Variants in NRDC observed in about 807,000 individuals in gnomAD.
The protein encoded by NRDC is nardilysin.
A neutral mutation model predicts 147.1 loss-of-function variants in NRDC; 54 were observed. The ratio of observed to expected loss-of-function variants is 0.37; its 90% CI spans 0.29 to 0.46. The LOEUF is 0.46. Ranked by LOEUF, NRDC falls within the 20% of genes least tolerant of loss-of-function variation. The probability of loss-of-function intolerance (pLI) is 1.00; values close to 1 mark genes in which losing one functional copy is unlikely to be tolerated. For missense variants in NRDC, 1,082 were observed against 1,370.6 expected, an observed-to-expected ratio of 0.79 and a Z score of 3.33; for synonymous variants, 440 against 482.1, an observed-to-expected ratio of 0.91 and a Z score of 1.14.
chr1:51,829,481 T>C (rs1017355088), intron 4 of NRDC, among the ~76,000 whole-genome samples: 2 of 152,198 alleles, frequency 1.3e-5, no homozygotes, highest in African/African-American at 4.8e-5. Flanking sequence ...TGAAGAAAAT[T>C]TTCTCTTTAT....
chr1:51,849,772 C>T (rs551707606), intron 1 of NRDC, among the ~76,000 whole-genome samples: 2 of 151,890 alleles, frequency 1.3e-5, no homozygotes, highest in South Asian at 2.1e-4. Context: ...GCCGAGATCG[C>T]GCCATTGCAC....
chr1:51,819,937 G>A (rs1458809218), intron 8 of NRDC, 64 bp from the exon 9 acceptor site: 8 of 1,194,634 alleles, frequency 6.7e-6, no homozygotes, highest in East Asian at 2.4e-5. Context: ...ATATCTTTAG[G>A]GATATCTAAC....
chr1:51,799,623 G>T (rs1679094223), intron 21 of NRDC, among the ~76,000 whole-genome samples: 1 of 152,160 alleles, frequency 6.6e-6, no homozygotes, highest in Non-Finnish European at 1.5e-5. Flanking sequence ...AAAGGGGTAG[G>T]TCTGTTCAGA....
intron 16 of NRDC, 36 bp downstream of exon 16, chr1:51,810,245 A>G (rs1284654819): frequency 1.3e-6 from 2 of 1,482,394 alleles, no homozygotes; most frequent in Non-Finnish European, 9.2e-7. Flanking sequence ...TAAGTTAAAT[A>G]TACCTAAATG....
At chr1:51,799,275 C>T (rs1327502112) in intron 21 of NRDC, 1 of 151,940 alleles carries the variant, frequency 6.6e-6, no homozygotes, top group East Asian at 1.9e-4. Context: ...ATACATGTAC[C>T]ATGTTAGTTT....
chr1:51,855,433 A>C (rs1682186832), intron 1 of NRDC, among the ~76,000 whole-genome samples: 1 of 152,078 alleles, frequency 6.6e-6, no homozygotes, highest in Admixed American at 6.5e-5. Context: ...AAATTGGTAT[A>C]ATATTTGGGT....
At chr1:51,845,279 C>T (rs887113117) in intron 1 of NRDC, among the ~76,000 whole-genome samples, 47 of 152,190 alleles carry the variant, frequency 3.1e-4, no homozygotes, top group Non-Finnish European at 2.9e-5. Flanking sequence ...TGCTCTACCT[C>T]TTTCAAGTCT....
chr1:51,833,945 C>T lies in NRDC; in HGVS notation c.866+72G>A, dbSNP rs137903290. On this transcript the variant is annotated intron_variant, in intron 4 of 30. Coordinates refer to ENST00000352171, the MANE Select transcript of NRDC (RefSeq NM_001101662.2). ...AAAGTATTGTGACAATTCTACTGTA[C>T]AAGAACACTCTATTTACATTTGCAA... is the stretch of plus-strand genomic sequence containing the variant. The T allele has an allele frequency of 2.2e-4, 292 of 1,346,424 alleles. No individual in the cohort carries two copies. The African/African-American group carries it at 4.1e-3, about 19-fold the overall frequency. The allele number at this position is 1,346,424 out of a possible 1,614,324, so 83.4% of individuals were successfully genotyped here. A position where few individuals can be genotyped will look rare whatever the true frequency, so the allele number is the denominator to read the frequency against.
In NRDC at chr1:51,818,142, A is replaced by G. The variant is rs776235013; in HGVS notation, c.1292-7T>C. ...ATTTTTCTGATTGGAACAACTAAAC[A>G]AAAATATTTTCCAGAAGAACAGATG... On this transcript the variant is annotated splice_region_variant and splice_polypyrimidine_tract_variant and intron_variant, in intron 9 of 30. Coordinates refer to ENST00000352171, the MANE Select transcript of NRDC (RefSeq NM_001101662.2). 3.1e-6 allele frequency: 5 copies of G among 1,589,644 alleles called. No individual in the cohort carries two copies. The Admixed American group carries it at 9.3e-5, about 30-fold the overall frequency.
At position 51,812,006 on chromosome 1, in the gene NRDC, T is replaced by G. The variant is rs1204834850; in HGVS notation, c.1767A>C (p.Glu589Asp). ...DILTGDQLLF[E>D]YKPEVIGEAL... ...TAAACCTCCTTACTTCTGGCTTGTA[T>G]TCAAAAAGAAGCTGATCTCCAGTGA... Residue 589 changes from glutamate (E) to aspartate (D), a missense_variant, in exon 15 of 31, where the codon GAA (glutamate) becomes GAC (aspartate). By Grantham distance (45) the Glu-to-Asp change is conservative. This residue lies in a region of NRDC where 635 missense variants were observed against 923.8 expected (regional missense o/e 0.69). Transcript: ENST00000352171. 1.2e-6 allele frequency: 2 copies of G among 1,612,786 alleles called. No homozygotes were observed. The highest frequency in any genetic ancestry group is 1.3e-5 in the African/African-American group (1 of 74,890).
Position 51,823,799 on chromosome 1 carries a change from G to A in NRDC, c.1037-13C>T, listed in dbSNP as rs1557913012. Reference sequence around the variant, plus strand: ...GTCTCAGCATTTCCTATAAAAGAATGAAAAAAATTATAGATATAACTAAGT... The same window carrying A: ...GTCTCAGCATTTCCTATAAAAGAATAAAAAAAATTATAGATATAACTAAGT... On this transcript the variant is annotated splice_polypyrimidine_tract_variant and intron_variant, in intron 6 of 30. Transcript: ENST00000352171. 5 of 1,564,466 alleles carry A rather than the reference G, an allele frequency of 3.2e-6. No individual in the cohort carries two copies. Among genetic ancestry groups the A allele is most frequent in the Middle Eastern group, 1.8e-4 (1 of 5,572 alleles).
intron 16 of NRDC, among the ~76,000 whole-genome samples, chr1:51,809,861 C>G (rs1557905024): frequency 6.6e-6 from 1 of 151,368 alleles, no homozygotes; most frequent in African/African-American, 2.4e-5. Context: ...GCCAAGATCG[C>G]ACCACTGCAC....
At chr1:51,837,567 A>C (rs1267749901) in intron 2 of NRDC, 1 of 1,596,352 alleles carries the variant, frequency 6.3e-7, no homozygotes, top group South Asian at 1.1e-5. Context: ...AAGTTGACTT[A>C]AACCACAGTC....
intron 1 of NRDC, among the ~76,000 whole-genome samples, chr1:51,853,139 G>A (rs970293491): frequency 2.0e-5 from 3 of 151,772 alleles, no homozygotes; most frequent in South Asian, 4.2e-4. Flanking sequence ...CAGGAGAATC[G>A]CTTGAACCTG....
At chr1:51,846,634 G>C (rs1247743403) in intron 1 of NRDC, among the ~76,000 whole-genome samples, 1 of 152,230 alleles carries the variant, frequency 6.6e-6, no homozygotes, top group Non-Finnish European at 1.5e-5. Context: ...GAGTGAAGCT[G>C]CAGACCTTCA....
chr1:51,844,254 G>T (rs1681420047), intron 1 of NRDC, among the ~76,000 whole-genome samples: 1 of 152,050 alleles, frequency 6.6e-6, no homozygotes, highest in Admixed American at 6.6e-5. Context: ...ATCCTATGTT[G>T]AATCCTTAAA....
intron 1 of NRDC, among the ~76,000 whole-genome samples, chr1:51,858,990 T>A (rs574957691): frequency 4.3e-4 from 66 of 152,336 alleles, no homozygotes; most frequent in African/African-American, 1.5e-3. Context: ...CTCACATCAT[T>A]TTTTCCTTGG....
intron 1 of NRDC, among the ~76,000 whole-genome samples, chr1:51,846,651 G>A (rs1171456422): frequency 2.0e-5 from 3 of 152,318 alleles, no homozygotes; most frequent in East Asian, 1.9e-4. Context: ...TTCAGGGTGA[G>A]TGTTATAGCT....
chr1:51,829,758 G>A (rs1680617411), intron 4 of NRDC, among the ~76,000 whole-genome samples: 1 of 151,748 alleles, frequency 6.6e-6, no homozygotes, highest in South Asian at 2.1e-4. Flanking sequence ...TGTTCTTTAT[G>A]CTATACTTGG....
Sources: allele counts gnomAD v4.1 joint callset (sites outside exome capture counted in the v4.1 genomes callset), GRCh38; gene constraint gnomAD v4.1.1; regional missense constraint gnomAD v4.1.1; transcripts MANE v1.5; gene names NCBI Gene and HGNC (gene_info 2026-07-23, HGNC 2026-07-21).